The following DPH6 variants were observed in gnomAD, a reference collection of about 807,000 sequenced individuals.
DPH6 encodes the protein diphthamine biosynthesis 6.
A neutral mutation model predicts 38.2 loss-of-function variants in DPH6; 33 were observed. The observed-to-expected ratio is 0.86, with a 90% CI of 0.65 to 1.15. The LOEUF (loss-of-function observed/expected upper bound fraction) is 1.15, where lower values mean the gene tolerates loss of function less well. Among genes scored for constraint, DPH6 ranks in the 50% most tolerant of loss-of-function variants. The probability of loss-of-function intolerance (pLI) is 0.00; values close to 1 mark genes in which losing one functional copy is unlikely to be tolerated. For synonymous variants in DPH6, 108 were observed against 103.0 expected, an observed-to-expected ratio of 1.05 and a Z score of -0.30; for missense variants, 325 against 320.0, an observed-to-expected ratio of 1.02 and a Z score of -0.12.
chr15:35,326,272 A>G (rs2052281605), downstream of DPH6, among the ~76,000 whole-genome samples: 1 of 152,184 alleles, frequency 6.6e-6, no homozygotes, highest in South Asian at 2.1e-4. Context: ...AAAACTGTCA[A>G]AACTGATTTC....
At chr15:35,200,689 G>C in the DPH6 span, among the ~76,000 whole-genome samples, 2 of 151,316 alleles carry the variant, frequency 1.3e-5, no homozygotes, top group African/African-American at 4.9e-5. Flanking sequence ...TCCTATTTTG[G>C]AGATTAAAAA....
intron 5 of DPH6, among the ~76,000 whole-genome samples, chr15:35,445,588 T>A (rs566006441): frequency 4.0e-4 from 61 of 152,136 alleles, no homozygotes; most frequent in Middle Eastern, 6.8e-3. Context: ...AAGAGAAAGG[T>A]ATGTCATGCA....
chr15:35,168,420 T>C, the DPH6 span, among the ~76,000 whole-genome samples: 1 of 152,024 alleles, frequency 6.6e-6, no homozygotes, highest in East Asian at 1.9e-4. Context: ...TGTAGTACTA[T>C]TTCAAGTCCT....
chr15:35,158,911 G>C, the DPH6 span, among the ~76,000 whole-genome samples: 1 of 152,010 alleles, frequency 6.6e-6, no homozygotes, highest in Non-Finnish European at 1.5e-5. Context: ...CCTGCACCAG[G>C]TAGCAAAGTT....
chr15:35,449,419 T>C (rs2053900838), intron 5 of DPH6, among the ~76,000 whole-genome samples: 2 of 152,240 alleles, frequency 1.3e-5, no homozygotes, highest in East Asian at 3.9e-4. Flanking sequence ...TCAAATTCTT[T>C]GACTATCTTT....
At chr15:35,229,994 C>G (rs973311919) in intron 3 of DPH6, among the ~76,000 whole-genome samples, 1 of 152,210 alleles carries the variant, frequency 6.6e-6, no homozygotes, top group African/African-American at 2.4e-5. Context: ...AGACCTGAAG[C>G]CAACACAGCA....
chr15:35,231,752 G>A (rs1313612863), intron 3 of DPH6, among the ~76,000 whole-genome samples: 1 of 152,166 alleles, frequency 6.6e-6, no homozygotes, highest in East Asian at 1.9e-4. Flanking sequence ...CTTCTGGTGA[G>A]GCCTCAGGAA....
At chr15:35,281,636 T>C (rs1009279746) in intron 3 of DPH6, among the ~76,000 whole-genome samples, 1 of 152,188 alleles carries the variant, frequency 6.6e-6, no homozygotes, top group African/African-American at 2.4e-5. Flanking sequence ...TCAGCTATCA[T>C]CTCTTTTAGC....
intron 5 of DPH6, among the ~76,000 whole-genome samples, chr15:35,425,173 G>T (rs1383887702): frequency 6.6e-6 from 1 of 151,540 alleles, no homozygotes; most frequent in African/African-American, 2.4e-5. Context: ...ATACATAAAT[G>T]TTGGGCTCTC....
chr15:35,226,703 A>G (rs74471268), intron 3 of DPH6, among the ~76,000 whole-genome samples: 4,269 of 152,326 alleles, frequency 0.028, 87 homozygotes, highest in Middle Eastern at 0.041. Context: ...ATGGAAAGAT[A>G]TTCCATGTTC....
chr15:35,355,866 T>C (rs1291399343), intron 3 of DPH6, among the ~76,000 whole-genome samples: 1 of 152,340 alleles, frequency 6.6e-6, no homozygotes, highest in Admixed American at 6.5e-5. Flanking sequence ...CTGGATAATA[T>C]CCTGCAGAGT....
At chr15:35,412,311 T>C (rs1420333207) in intron 5 of DPH6, among the ~76,000 whole-genome samples, 1 of 151,692 alleles carries the variant, frequency 6.6e-6, no homozygotes, top group Non-Finnish European at 1.5e-5. Flanking sequence ...ACACCTATTA[T>C]AGTGGCCAAA....
chr15:35,428,830 T>G (rs1299028709), intron 5 of DPH6, among the ~76,000 whole-genome samples: 1 of 152,118 alleles, frequency 6.6e-6, no homozygotes, highest in Admixed American at 6.6e-5. Context: ...CCTTTCATTG[T>G]TCTGGTCACT....
chr15:35,249,703 A>G (rs918127701), intron 3 of DPH6, among the ~76,000 whole-genome samples: 1 of 152,202 alleles, frequency 6.6e-6, no homozygotes, highest in African/African-American at 2.4e-5. Context: ...CTTTAAAAAT[A>G]GCATATTAGT....
At chr15:35,215,750 A>C (rs1285035594), downstream of DPH6, among the ~76,000 whole-genome samples, 2 of 152,208 alleles carry the variant, frequency 1.3e-5, no homozygotes, top group Non-Finnish European at 2.9e-5. Flanking sequence ...TACCTGCATA[A>C]TTTCATTTGA....
At chr15:35,451,940 G>A (rs1388873574) in intron 4 of DPH6, among the ~76,000 whole-genome samples, 1 of 152,172 alleles carries the variant, frequency 6.6e-6, no homozygotes, top group Non-Finnish European at 1.5e-5. Flanking sequence ...AACCTGGGAG[G>A]CGGAGCTTGC....
chr15:35,345,949 A>G (rs1317511949), intron 3 of DPH6, among the ~76,000 whole-genome samples: 1 of 152,006 alleles, frequency 6.6e-6, no homozygotes, highest in Non-Finnish European at 1.5e-5. Flanking sequence ...TCTACTTGAC[A>G]TAAAATATTT....
At position 35,338,974 on chromosome 15, in the gene DPH6, T is replaced by C. The variant is rs370517229; in HGVS notation, n.208-7897A>G. On this transcript the variant is annotated intron_variant and non_coding_transcript_variant, in intron 3 of 3. Coordinates refer to the DPH6 transcript ENST00000558973. ...GCATGTTCTCAGTCATAGGTGGGAA[T>C]TGAACAATGAGAACACTTGGACACA... 3.3e-5 allele frequency among the ~76,000 whole-genome samples: 5 copies of C among 151,956 alleles called. No individual in the cohort carries two copies. The East Asian group carries it at 7.7e-4, about 24-fold the overall frequency.
chr15:35,500,010 G>T (rs775247143), intron 3 of DPH6, among the ~76,000 whole-genome samples: 1 of 152,170 alleles, frequency 6.6e-6, no homozygotes, highest in Admixed American at 6.6e-5. Flanking sequence ...AGGTCAAGAA[G>T]TTGATGAGGT....
Sources: allele counts gnomAD v4.1 joint callset (sites outside exome capture counted in the v4.1 genomes callset), GRCh38; gene constraint gnomAD v4.1.1; transcripts MANE v1.5; gene names NCBI Gene and HGNC (gene_info 2026-07-23, HGNC 2026-07-21).